The following CHP1 variants were observed in gnomAD, a reference collection of about 807,000 sequenced individuals.
CHP1 encodes the protein calcineurin like EF-hand protein 1.
A neutral mutation model predicts 27.4 loss-of-function variants in CHP1; 11 were observed. The ratio of observed to expected loss-of-function variants is 0.40; its 90% CI spans 0.25 to 0.67. The LOEUF is 0.67. Among genes scored for constraint, CHP1 ranks in the 30% least tolerant of loss-of-function variants. The probability of loss-of-function intolerance (pLI) is 0.38; values close to 1 mark genes in which losing one functional copy is unlikely to be tolerated. For synonymous variants in CHP1, 89 were observed against 87.4 expected, an observed-to-expected ratio of 1.02 and a Z score of -0.10; for missense variants, 169 against 251.3, an observed-to-expected ratio of 0.67 and a Z score of 2.22.
At chr15:41,258,683 T>C (rs2140934801) in intron 3 of CHP1, among the ~76,000 whole-genome samples, 1 of 152,342 alleles carries the variant, frequency 6.6e-6, no homozygotes, top group East Asian at 1.9e-4. Flanking sequence ...TGAGTAAATA[T>C]TTACTGATTT....
chr15:41,261,349 G>T (rs2047432201), intron 3 of CHP1, among the ~76,000 whole-genome samples: 1 of 151,570 alleles, frequency 6.6e-6, no homozygotes, highest in South Asian at 2.1e-4. Flanking sequence ...TAGAGACAGG[G>T]TTTTACCATG....
intron 2 of CHP1, among the ~76,000 whole-genome samples, chr15:41,247,988 T>TG (rs2047344871): frequency 9.1e-6 from 1 of 109,518 alleles, no homozygotes; most frequent in East Asian, 2.3e-4. Flanking sequence ...AATAAATAAA[T>TG]AAAATAAATA....
intron 2 of CHP1, among the ~76,000 whole-genome samples, chr15:41,255,411 G>A (rs1335895554): frequency 6.6e-6 from 1 of 152,150 alleles, no homozygotes; most frequent in Non-Finnish European, 1.5e-5. Context: ...GGTGGCTCAC[G>A]CCTGTAATCC....
intron 2 of CHP1, among the ~76,000 whole-genome samples, chr15:41,250,992 G>A (rs1174519656): frequency 6.6e-6 from 1 of 151,836 alleles, no homozygotes; most frequent in Non-Finnish European, 1.5e-5. Flanking sequence ...GCACTACCAC[G>A]CCCAGTGAAT....
intron 2 of CHP1, among the ~76,000 whole-genome samples, chr15:41,251,603 A>G (rs975554979): frequency 3.0e-4 from 46 of 152,148 alleles, no homozygotes; most frequent in African/African-American, 1.0e-3. Flanking sequence ...GCGGCACTAG[A>G]TTCTCATAGG....
intron 4 of CHP1, 99 bp from the exon 5 acceptor site, chr15:41,270,458 T>G: frequency 1.2e-6 from 1 of 857,086 alleles, no homozygotes; most frequent in Non-Finnish European, 1.9e-6. Context: ...ATCGATTAAT[T>G]GGCTGTCAGT....
At chr15:41,233,739 A>C (rs1332134316) in intron 1 of CHP1, among the ~76,000 whole-genome samples, 1 of 152,070 alleles carries the variant, frequency 6.6e-6, no homozygotes, top group African/African-American at 2.4e-5. Flanking sequence ...GAAATCAGGC[A>C]AGAGAGAGAG....
chr15:41,265,363 C>CAAAAAAAAAAA (rs544658200), intron 4 of CHP1, among the ~76,000 whole-genome samples: 1 of 36,880 alleles, frequency 2.7e-5, no homozygotes, highest in African/African-American at 9.3e-5. Flanking sequence ...GACTCTGTCT[C>CAAAAAAAAAAA]AAAAAAAAAA....
intron 4 of CHP1, among the ~76,000 whole-genome samples, chr15:41,269,354 T>A (rs1032290068): frequency 6.6e-6 from 1 of 152,234 alleles, no homozygotes; most frequent in Non-Finnish European, 1.5e-5. Context: ...AAAATTACTT[T>A]TATGTCATCT....
intron 4 of CHP1, chr15:41,264,291 C>T (rs1029176714): frequency 1.8e-5 from 18 of 1,001,146 alleles, no homozygotes; most frequent in Admixed American, 8.4e-5. Context: ...GTGCGAGTGC[C>T]GAGGAGATTA....
At position 41,252,927 on chromosome 15, in the gene CHP1, G is replaced by GT. The variant is rs144891496; in HGVS notation, c.141-3953dup. On this transcript the variant is annotated intron_variant, in intron 2 of 6. Coordinates refer to ENST00000334660, the MANE Select transcript of CHP1 (RefSeq NM_007236.5). ...TCCACACAAATCTGTATTTCACATG[G>GT]TTTTTTTTTTTTTTTTTTTTTTTTT... Among the ~76,000 whole-genome samples the GT allele has an allele frequency of 3.5e-3, 228 of 65,796 alleles. 42 individuals are homozygous for GT. Among genetic ancestry groups the GT allele is most frequent in the African/African-American group, 5.5e-3 (94 of 17,002 alleles). The allele number at this position is 65,796 out of a possible 152,430, so 43.2% of individuals were successfully genotyped here. A position where few individuals can be genotyped will look rare whatever the true frequency, so the allele number is the denominator to read the frequency against.
chr15:41,268,151 T>G (rs529572433), intron 4 of CHP1, among the ~76,000 whole-genome samples: 1 of 152,112 alleles, frequency 6.6e-6, no homozygotes, highest in East Asian at 1.9e-4. Flanking sequence ...ATAAACAAGA[T>G]TTATTGTGGT....
chr15:41,254,354 T>A (rs545325886), intron 2 of CHP1, among the ~76,000 whole-genome samples: 2 of 152,302 alleles, frequency 1.3e-5, no homozygotes, highest in South Asian at 4.1e-4. Flanking sequence ...TAAACTGAAG[T>A]ATGTAGCCAT....
chr15:41,234,816 G>A (rs1249991423), intron 1 of CHP1, among the ~76,000 whole-genome samples: 5 of 152,096 alleles, frequency 3.3e-5, no homozygotes, highest in East Asian at 3.8e-4. Context: ...GTTAACAATC[G>A]TCTTATTGGG....
At chr15:41,277,845 C>T (rs2047527216) in intron 5 of CHP1, among the ~76,000 whole-genome samples, 1 of 150,586 alleles carries the variant, frequency 6.6e-6, no homozygotes, top group Admixed American at 6.6e-5. Context: ...GTACCAGTTC[C>T]TTGGGGGAGG....
chr15:41,273,127 C>A (rs8041689), intron 5 of CHP1, among the ~76,000 whole-genome samples: 4,587 of 151,626 alleles, frequency 0.03, 241 homozygotes, highest in African/African-American at 0.11. Context: ...AAATCCTAAA[C>A]AAAATATTAA....
rs1206293529 is a variant in CHP1, at chr15:41,269,805, T to A, written c.350-752T>A. ...TTCAAAACCTAAAAACCAAGCTAAA[T>A]TCAGTTGTGGGACAAGACATTCACA... On this transcript the variant is annotated intron_variant, in intron 4 of 6. Coordinates refer to ENST00000334660, the MANE Select transcript of CHP1 (RefSeq NM_007236.5). Among the ~76,000 whole-genome samples, 3 of 152,128 alleles carry A rather than the reference T, an allele frequency of 2.0e-5. No homozygotes were observed. In the East Asian group the frequency reaches 5.8e-4, roughly 29 times the overall value.
intron 1 of CHP1, among the ~76,000 whole-genome samples, chr15:41,239,530 A>T (rs1447860742): frequency 6.6e-6 from 1 of 151,674 alleles, no homozygotes; most frequent in African/African-American, 2.4e-5. Flanking sequence ...CAGCCTCCCA[A>T]GTAGCTGGGA....
chr15:41,237,609 G>A lies in CHP1; in HGVS notation c.68-6058G>A, dbSNP rs924064751. 5.3e-5 allele frequency among the ~76,000 whole-genome samples: 8 copies of A among 152,178 alleles called. No individual in the cohort carries two copies. The East Asian group carries it at 5.8e-4, about 11-fold the overall frequency. ...TAAGGTGTAGTCTATTCCGGGAAGC[G>A]CAGGCTTCAACTTTCCTTTATCTAG... On this transcript the variant is annotated intron_variant, in intron 1 of 6. Coordinates refer to ENST00000334660, the MANE Select transcript of CHP1 (RefSeq NM_007236.5).
Sources: gnomAD v4.1 joint callset for allele counts (sites outside exome capture counted in the v4.1 genomes callset) on GRCh38, gnomAD v4.1.1 for gene constraint, MANE v1.5 for transcripts, NCBI Gene and HGNC (gene_info 2026-07-23, HGNC 2026-07-21) for gene names.